The following FHIT variants were observed in gnomAD, a reference collection of about 807,000 sequenced individuals.
FHIT encodes the protein fragile histidine triad diadenosine triphosphatase.
A neutral mutation model predicts 17.9 loss-of-function variants in FHIT; 19 were observed. The ratio of observed to expected loss-of-function variants is 1.06; its 90% CI spans 0.74 to 1.56. The LOEUF (loss-of-function observed/expected upper bound fraction) is 1.56, where lower values mean the gene tolerates loss of function less well. Ranked by LOEUF, FHIT falls within the 40% of genes most tolerant of loss-of-function variation. FHIT has a pLI of 0.00. For missense variants in FHIT, 248 were observed against 189.2 expected (o/e 1.31, Z -1.82); for synonymous variants, 81 against 69.7 (o/e 1.16, Z -0.81).
chr3:60,220,679 G>A (rs1228457555), intron 5 of FHIT, among the ~76,000 whole-genome samples: 1 of 152,118 alleles, frequency 6.6e-6, no homozygotes, highest in Non-Finnish European at 1.5e-5. Context: ...TTTGGCTAAA[G>A]GAGGACAAGA....
chr3:60,336,724 A>G (rs1038857888), intron 5 of FHIT, among the ~76,000 whole-genome samples: 2 of 152,198 alleles, frequency 1.3e-5, no homozygotes, highest in African/African-American at 4.8e-5. Context: ...CATTTCCAGC[A>G]CTGCAGAAAG....
chr3:60,610,910 C>T (rs1176307501), intron 4 of FHIT, among the ~76,000 whole-genome samples: 1 of 152,136 alleles, frequency 6.6e-6, no homozygotes, highest in Non-Finnish European at 1.5e-5. Flanking sequence ...ACCCTGGCTC[C>T]AGTCCCAGCT....
At chr3:60,114,059 A>ATATATATATATATATATATG (rs1704829312) in intron 5 of FHIT, among the ~76,000 whole-genome samples, 1 of 102,074 alleles carries the variant, frequency 9.8e-6, no homozygotes, top group African/African-American at 4.0e-5. Flanking sequence ...ATATATATAT[A>ATATATATATATATATATATG]TATATATATA....
At chr3:59,980,579 C>T (rs978427524) in intron 7 of FHIT, among the ~76,000 whole-genome samples, 2 of 152,138 alleles carry the variant, frequency 1.3e-5, no homozygotes, top group African/African-American at 2.4e-5. Context: ...GATCACAAAG[C>T]TGTGTAAGTC....
intron 3 of FHIT, among the ~76,000 whole-genome samples, chr3:60,910,378 C>T (rs1490268874): frequency 6.6e-6 from 1 of 150,676 alleles, no homozygotes; most frequent in Non-Finnish European, 1.5e-5. Context: ...TATCCTGAAG[C>T]TACTACATCT....
intron 5 of FHIT, among the ~76,000 whole-genome samples, chr3:60,081,197 C>G (rs1703268217): frequency 6.6e-6 from 1 of 152,134 alleles, no homozygotes; most frequent in African/African-American, 2.4e-5. Flanking sequence ...TTCCTGGGCT[C>G]TGACCCAGGT....
intron 5 of FHIT, among the ~76,000 whole-genome samples, chr3:60,226,079 G>A (rs1704185307): frequency 6.6e-6 from 1 of 152,136 alleles, no homozygotes; most frequent in East Asian, 1.9e-4. Context: ...GTGAGGAGAT[G>A]TTAACAAATG....
At chr3:60,564,544 G>A (rs912289964) in intron 4 of FHIT, among the ~76,000 whole-genome samples, 5 of 152,158 alleles carry the variant, frequency 3.3e-5, no homozygotes, top group Non-Finnish European at 5.9e-5. Flanking sequence ...AAGCCATTAA[G>A]AACATTCATA....
At chr3:60,830,602 T>C (rs1306994143) in intron 3 of FHIT, among the ~76,000 whole-genome samples, 2 of 152,228 alleles carry the variant, frequency 1.3e-5, no homozygotes, top group Non-Finnish European at 2.9e-5. Flanking sequence ...TGGAAATATA[T>C]TTGTAATTCT....
chr3:60,364,667 CCAGATAA>C (rs1157778744), intron 5 of FHIT, among the ~76,000 whole-genome samples: 1 of 152,146 alleles, frequency 6.6e-6, no homozygotes, highest in East Asian at 1.9e-4. Flanking sequence ...TAAGAGATGC[CCAGATAA>C]CTGATAAACA....
At position 60,540,075 on chromosome 3, in the gene FHIT, G is replaced by C. The variant is rs975912250; in HGVS notation, c.-17-3096C>G. On this transcript the variant is annotated intron_variant, in intron 4 of 9. Transcript: ENST00000492590. ...GGAAGAGAGAGGGGCTGAAGGTGAA[G>C]TTGATCACCAATGGTCAACAGTTTA... is the stretch of plus-strand genomic sequence containing the variant. 2.6e-5 allele frequency among the ~76,000 whole-genome samples: 4 copies of C among 152,228 alleles called. No homozygotes were observed. The East Asian group carries it at 7.7e-4, about 29-fold the overall frequency.
chr3:61,050,650 C>T (rs772085631), intron 2 of FHIT, among the ~76,000 whole-genome samples: 15 of 151,746 alleles, frequency 9.9e-5, no homozygotes, highest in Admixed American at 3.3e-4. Flanking sequence ...AAAGAAAGAA[C>T]GAAAAAATAA....
intron 4 of FHIT, among the ~76,000 whole-genome samples, chr3:60,591,554 C>T (rs1321952938): frequency 1.3e-5 from 2 of 152,004 alleles, no homozygotes; most frequent in African/African-American, 4.8e-5. Context: ...CACATAATAA[C>T]CAGCATATGA....
At chr3:60,860,189 G>T (rs140574521) in intron 3 of FHIT, among the ~76,000 whole-genome samples, 1,439 of 89,812 alleles carry the variant, frequency 0.016, 77 homozygotes, top group African/African-American at 0.065. Flanking sequence ...GTATACATGA[G>T]ATACATCATA....
chr3:60,232,834 G>A lies in FHIT; in HGVS notation c.104-218682C>T, dbSNP rs146975954. On this transcript the variant is annotated intron_variant, in intron 5 of 9. Coordinates refer to ENST00000492590, the MANE Select transcript of FHIT (RefSeq NM_002012.4). ...ACAACAGAGAGCTCATTTTAAAGCT[G>A]CAAATGTAGTAATATCACTCTCCTG... Among the ~76,000 whole-genome samples the A allele has an allele frequency of 5.2e-4, 79 of 152,334 alleles. 1 individual carries two copies. The East Asian group carries it at 0.013, about 25-fold the overall frequency.
chr3:60,023,782 G>C (rs1421000161), intron 5 of FHIT, among the ~76,000 whole-genome samples: 1 of 152,146 alleles, frequency 6.6e-6, no homozygotes, highest in African/African-American at 2.4e-5. Flanking sequence ...GCTACACACA[G>C]AGCTTAACAT....
At chr3:61,207,985 A>C (rs2106734086) in intron 1 of FHIT, among the ~76,000 whole-genome samples, 1 of 151,954 alleles carries the variant, frequency 6.6e-6, no homozygotes, top group South Asian at 2.1e-4. Flanking sequence ...CACTGCTTTG[A>C]ATGGGTCCAA....
At chr3:60,610,236 A>T (rs1239993672) in intron 4 of FHIT, among the ~76,000 whole-genome samples, 1 of 152,164 alleles carries the variant, frequency 6.6e-6, no homozygotes, top group African/African-American at 2.4e-5. Context: ...AAGTTATGTG[A>T]TAAGTTTCCA....
intron 5 of FHIT, among the ~76,000 whole-genome samples, chr3:60,172,072 G>A (rs6446116): frequency 0.21 from 32,274 of 151,972 alleles, 3,512 homozygotes; most frequent in South Asian, 0.3. Flanking sequence ...CAGATTAGTA[G>A]GGGAGACAGG....
Sources: allele counts gnomAD v4.1 joint callset (sites outside exome capture counted in the v4.1 genomes callset), GRCh38; gene constraint gnomAD v4.1.1; transcripts MANE v1.5; gene names NCBI Gene and HGNC (gene_info 2026-07-23, HGNC 2026-07-21).